U2SURP: variants seen among roughly 807,000 people sequenced by gnomAD.
U2SURP encodes U2 snRNP-associated SURP motif-containing protein.
In U2SURP, 9 loss-of-function variants were observed where a neutral mutation model predicts 144.9. The observed-to-expected ratio is 0.06, with a 90% CI of 0.04 to 0.11. The LOEUF (loss-of-function observed/expected upper bound fraction) is 0.11. U2SURP is among the 10% of genes least tolerant of loss of function. U2SURP has a pLI of 1.00. For synonymous variants in U2SURP, 408 were observed against 396.8 expected, an observed-to-expected ratio of 1.03 and a Z score of -0.33; for missense variants, 724 against 1,226.7, an observed-to-expected ratio of 0.59 and a Z score of 6.12.
At chr3:143,013,276 G>A (rs759150519) in intron 3 of U2SURP, among the ~76,000 whole-genome samples, 1 of 152,008 alleles carries the variant, frequency 6.6e-6, no homozygotes, top group Non-Finnish European at 1.5e-5. Context: ...TGAAACCAAA[G>A]AGACTGAATG....
Position 143,016,796 on chromosome 3 carries a change from A to C in U2SURP, c.437-46A>C, listed in dbSNP as rs1012262160. On this transcript the variant is annotated intron_variant, in intron 5 of 27. Coordinates refer to ENST00000473835, the MANE Select transcript of U2SURP (RefSeq NM_001080415.2). Reference sequence around the variant, plus strand: ...TTGTTTTTAAATAAAACAGTAAAGAAAAATATTGCGAAATTAGTTTTGAAA... The same window carrying C: ...TTGTTTTTAAATAAAACAGTAAAGACAAATATTGCGAAATTAGTTTTGAAA... 4 of 1,462,256 alleles carry C rather than the reference A, an allele frequency of 2.7e-6. No homozygotes were observed. The South Asian group carries it at 5.9e-5, about 22-fold the overall frequency. The allele number at this position is 1,462,256 out of a possible 1,614,324, so 90.6% of individuals were successfully genotyped here.
rs1935204387 is a variant in U2SURP, at chr3:143,057,550, T to C, written c.*1100T>C. 1 of 152,118 alleles carries C rather than the reference T, an allele frequency of 6.6e-6. No homozygotes were observed. The highest frequency in any genetic ancestry group is 2.4e-5 in the African/African-American group (1 of 41,424). 9.4% of individuals were successfully genotyped at this position (152,118 alleles called of 1,614,324 possible). On this transcript the variant is annotated 3_prime_UTR_variant, in exon 28 of 28. Transcript: ENST00000473835. The stretch of plus-strand genomic sequence containing the variant: ...CCATTTGCAGAGTTGAACTCTATTA[T>C]GAAAATAAATTTGCTACGGTATGAG...
chr3:143,031,762 A>AT (rs1024158918), intron 16 of U2SURP, among the ~76,000 whole-genome samples: 10 of 152,196 alleles, frequency 6.6e-5, no homozygotes, highest in African/African-American at 2.4e-4. Flanking sequence ...ATATGCCTGT[A>AT]TGTACTTCAC....
Position 143,001,811 on chromosome 3 carries a change from C to A in U2SURP, c.45+138C>A, listed in dbSNP as rs1199083506. The A allele has an allele frequency of 1.2e-5, 13 of 1,122,518 alleles. No individual in the cohort carries two copies. In the East Asian group the frequency reaches 3.1e-4, roughly 27 times the overall value. The allele number at this position is 1,122,518 out of a possible 1,614,324, so 69.5% of individuals were successfully genotyped here. A position where few individuals can be genotyped will look rare whatever the true frequency, so the allele number is the denominator to read the frequency against. The stretch of plus-strand genomic sequence containing the variant: ...GACGGTAGGCCCGGGCGCCGCCGCA[C>A]CGTTGTGCGCAGGTTGAGAGGCCTG... On this transcript the variant is annotated intron_variant, in intron 1 of 27. Coordinates refer to ENST00000473835, the MANE Select transcript of U2SURP (RefSeq NM_001080415.2).
At chr3:143,046,297 A>ATTTTTTTTTTTT (rs11400849) in intron 24 of U2SURP, among the ~76,000 whole-genome samples, 13 of 106,420 alleles carry the variant, frequency 1.2e-4, no homozygotes, top group East Asian at 3.3e-4. Flanking sequence ...TTTATTTTTT[A>ATTTTTTTTTTTT]TTTTTTTTTA....
rs1168372931 is a variant in U2SURP, at chr3:143,012,297, A to G, written c.166A>G (p.Arg56Gly). The G allele has an allele frequency of 2.5e-6, 4 of 1,613,276 alleles. No homozygotes were observed. Among genetic ancestry groups the G allele is most frequent in the Non-Finnish European group, 3.4e-6 (4 of 1,179,512 alleles). The change falls in exon 3 of 28, where the codon AGG (arginine) becomes GGG (glycine). Residue 56 changes from arginine to glycine, a missense_variant. Transcript: ENST00000473835. ...RPKSPRKHNY[R>G]NESARESLCD... The stretch of plus-strand genomic sequence containing the variant: ...TAAGAGCCCAAGAAAACATAATTAT[A>G]GGAATGAAAGTGCCCGTGAAAGCCT...
At chr3:143,014,750 T>A (rs982621963) in intron 4 of U2SURP, among the ~76,000 whole-genome samples, 18 of 152,254 alleles carry the variant, frequency 1.2e-4, no homozygotes, top group Non-Finnish European at 2.9e-5. Context: ...CTTGCTTTTT[T>A]AACTTAACAT....
intron 24 of U2SURP, among the ~76,000 whole-genome samples, chr3:143,044,896 G>A (rs1934341220): frequency 1.3e-5 from 2 of 152,164 alleles, no homozygotes. Context: ...TCAGCGTGGT[G>A]TCATTTTTAA....
intron 22 of U2SURP, among the ~76,000 whole-genome samples, 167 bp from the exon 23 acceptor site, chr3:143,038,727 A>C (rs926689435): frequency 1.3e-5 from 2 of 152,014 alleles, no homozygotes; most frequent in African/African-American, 4.8e-5. Context: ...AGGTGTGAGG[A>C]AAGAGATTTG....
Position 143,059,115 on chromosome 3 carries a change from C to T in U2SURP, c.*2665C>T, listed in dbSNP as rs1279080445. 1 of 152,332 alleles carries T rather than the reference C, an allele frequency of 6.6e-6. No individual in the cohort carries two copies. The highest frequency in any genetic ancestry group is 1.5e-5 in the Non-Finnish European group (1 of 67,830). 9.4% of individuals were successfully genotyped at this position (152,332 alleles called of 1,614,324 possible). A position where few individuals can be genotyped will look rare whatever the true frequency, so the allele number is the denominator to read the frequency against. On this transcript the variant is annotated 3_prime_UTR_variant, in exon 28 of 28. Coordinates refer to ENST00000473835, the MANE Select transcript of U2SURP (RefSeq NM_001080415.2). ...TCACGTCTCTGAATTTTTTCTTTAA[C>T]GTTATAGTTCCTTATTACAGATAGT...
At chr3:143,008,338 G>GA (rs1935948788) in intron 1 of U2SURP, among the ~76,000 whole-genome samples, 1 of 152,230 alleles carries the variant, frequency 6.6e-6, no homozygotes, top group Admixed American at 6.5e-5. Flanking sequence ...TTAAATCCTA[G>GA]AAATGATGAT....
chr3:143,001,989 C>T (rs980806542), intron 1 of U2SURP, among the ~76,000 whole-genome samples: 3 of 152,372 alleles, frequency 2.0e-5, no homozygotes, highest in Middle Eastern at 3.4e-3. Flanking sequence ...TGTATCTCAG[C>T]TTCCTGCGCC....
chr3:143,050,094 C>T (rs1438732093), intron 24 of U2SURP, among the ~76,000 whole-genome samples: 1 of 151,308 alleles, frequency 6.6e-6, no homozygotes, highest in Admixed American at 6.6e-5. Context: ...TTATTTTAGA[C>T]GGAGTTTTGC....
chr3:143,020,589 T>A lies in U2SURP; in HGVS notation c.639-10T>A, dbSNP rs767650984. On this transcript the variant is annotated splice_polypyrimidine_tract_variant and intron_variant, in intron 7 of 27. Coordinates refer to ENST00000473835, the MANE Select transcript of U2SURP (RefSeq NM_001080415.2). ...GGCTCATTATAAGTGATTGTAAATA[T>A]TTTCAACAGAATTCAAGAGGAACGT... The A allele has an allele frequency of 1.2e-6, 2 of 1,602,290 alleles. No homozygotes were observed. The highest frequency in any genetic ancestry group is 8.5e-7 in the Non-Finnish European group (1 of 1,173,008).
rs563869318 is a variant in U2SURP at position 143,019,275 on chromosome 3, T to C, written c.571-694T>C. ...ATGGAAGCATGGAGGTTTTAAACTT[T>C]AATGGAGTCCAATTTATCAGTTTTT... On this transcript the variant is annotated intron_variant, in intron 6 of 27. Coordinates refer to ENST00000473835, the MANE Select transcript of U2SURP (RefSeq NM_001080415.2). 5.9e-5 allele frequency among the ~76,000 whole-genome samples: 9 copies of C among 152,342 alleles called. No individual in the cohort carries two copies. In the South Asian group the frequency reaches 1.0e-3, roughly 18 times the overall value.
At chr3:143,016,479 T>G in intron 5 of U2SURP, 108 bp downstream of exon 5, 1 of 971,474 alleles carries the variant, frequency 1.0e-6, no homozygotes, top group Admixed American at 2.7e-5. Context: ...AAAGGAAGTT[T>G]GGTTGCTTTT....
At chr3:143,036,975 C>T (rs889052410) in intron 20 of U2SURP, 4 of 533,152 alleles carry the variant, frequency 7.5e-6, no homozygotes, top group African/African-American at 3.8e-5. Context: ...AGGTACCTGG[C>T]ACCAGTGAGC....
At chr3:143,051,617 A>G (rs187890520) in intron 25 of U2SURP, among the ~76,000 whole-genome samples, 1,765 of 149,430 alleles carry the variant, frequency 0.012, 30 homozygotes, top group Non-Finnish European at 0.018. Flanking sequence ...AAAAAAAAAA[A>G]AAAAGAAAAA....
At chr3:143,020,107 A>G in intron 7 of U2SURP, 71 bp downstream of exon 7, 1 of 923,574 alleles carries the variant, frequency 1.1e-6, no homozygotes. Context: ...TGCAAGTATA[A>G]AGAATATACT....
Sources: allele counts gnomAD v4.1 joint callset (sites outside exome capture counted in the v4.1 genomes callset), GRCh38; gene constraint gnomAD v4.1.1; transcripts MANE v1.5; gene names NCBI Gene and HGNC (gene_info 2026-07-23, HGNC 2026-07-21).